Variants in PROK2 observed in about 807,000 individuals in gnomAD.
PROK2 encodes the protein prokineticin-2.
A neutral mutation model predicts 14.2 loss-of-function variants in PROK2; 8 were observed. That is an observed-to-expected ratio of 0.56 (90% CI 0.33 to 1.02). The LOEUF (loss-of-function observed/expected upper bound fraction) is 1.02. PROK2 is among the 50% of genes least tolerant of loss of function. The probability of loss-of-function intolerance (pLI) is 0.03; values close to 1 mark genes in which losing one functional copy is unlikely to be tolerated. For synonymous variants in PROK2, 59 were observed against 60.7 expected (o/e 0.97, Z 0.13); for missense variants, 154 against 160.4 (o/e 0.96, Z 0.22).
chr3:71,781,345 C>T (rs562817730), intron 2 of PROK2, 122 bp downstream of exon 2: 1 of 1,293,186 alleles, frequency 7.7e-7, no homozygotes, highest in African/African-American at 1.5e-5. Flanking sequence ...CACTGTTATC[C>T]TTGCTAATGT....
chr3:71,775,873 C>T (rs1055662302), intron 2 of PROK2, among the ~76,000 whole-genome samples: 4 of 152,104 alleles, frequency 2.6e-5, no homozygotes, highest in Non-Finnish European at 5.9e-5. Flanking sequence ...CAATCAAATG[C>T]CCTGCAATGC....
intron 1 of PROK2, among the ~76,000 whole-genome samples, chr3:71,784,465 G>T (rs746983989): frequency 9.2e-5 from 14 of 152,174 alleles, no homozygotes; most frequent in Non-Finnish European, 1.8e-4. Flanking sequence ...GATTTCAAAG[G>T]GTTTCTGCGG....
At chr3:71,783,587 A>C (rs775805174) in intron 1 of PROK2, among the ~76,000 whole-genome samples, 10 of 152,216 alleles carry the variant, frequency 6.6e-5, no homozygotes, top group Non-Finnish European at 1.5e-4. Flanking sequence ...ACCCATTGCA[A>C]ATCTATTCAG....
intron 2 of PROK2, 149 bp downstream of exon 2, chr3:71,781,318 G>A (rs2050158517): frequency 1.1e-6 from 1 of 922,632 alleles, no homozygotes; most frequent in East Asian, 2.6e-5. Context: ...AAGGGGAGAG[G>A]AGAGGGGGTA....
intron 2 of PROK2, among the ~76,000 whole-genome samples, chr3:71,775,873 C>A (rs1055662302): frequency 6.6e-6 from 1 of 152,104 alleles, no homozygotes; most frequent in Non-Finnish European, 1.5e-5. Context: ...CAATCAAATG[C>A]CCTGCAATGC....
intron 2 of PROK2, among the ~76,000 whole-genome samples, chr3:71,780,274 A>G (rs1483404343): frequency 6.6e-6 from 1 of 152,258 alleles, no homozygotes; most frequent in Non-Finnish European, 1.5e-5. Flanking sequence ...ACTGGAATCC[A>G]CATTATAGCT....
chr3:71,780,987 A>G (rs1222175651), intron 2 of PROK2, among the ~76,000 whole-genome samples: 1 of 152,248 alleles, frequency 6.6e-6, no homozygotes, highest in African/African-American at 2.4e-5. Flanking sequence ...CTGTAGGTAG[A>G]GTCAAAATAT....
chr3:71,773,643 A>G (rs1463787126), intron 3 of PROK2, among the ~76,000 whole-genome samples: 1 of 152,238 alleles, frequency 6.6e-6, no homozygotes, highest in Non-Finnish European at 1.5e-5. Flanking sequence ...ATTTGCACAC[A>G]GATGCCAGGA....
At position 71,772,559 on chromosome 3, in the gene PROK2, T is replaced by TAA. The variant is rs56679628; in HGVS notation, c.*163_*164dup. The TAA allele has an allele frequency of 5.6e-3, 3,376 of 600,766 alleles. 16 individuals are homozygous for TAA. In the East Asian group the frequency reaches 0.057, roughly 10 times the overall value. 37.2% of individuals were successfully genotyped at this position (600,766 alleles called of 1,614,324 possible). On this transcript the variant is annotated 3_prime_UTR_variant, in exon 4 of 4. Coordinates refer to ENST00000295619, the MANE Select transcript of PROK2 (RefSeq NM_001126128.2). ...ATCCAAAAGTAAAATTCTCTTTCGA[T>TAA]AAAAAAAAAAAAAAATCATTTACAA...
intron 2 of PROK2, among the ~76,000 whole-genome samples, chr3:71,776,590 C>G (rs548359434): frequency 1.5e-3 from 234 of 152,128 alleles, no homozygotes; most frequent in African/African-American, 5.6e-3. Context: ...GTTGCCCAGG[C>G]TGGTCTTGAA....
rs1305044647 is a variant in PROK2 at position 71,772,646 on chromosome 3, T to G, written c.*78A>C. 2 of 1,291,338 alleles carry G rather than the reference T, an allele frequency of 1.5e-6. No homozygotes were observed. The highest frequency in any genetic ancestry group is 2.2e-6 in the Non-Finnish European group (2 of 889,586). 80.0% of individuals were successfully genotyped at this position (1,291,338 alleles called of 1,614,324 possible). A position where few individuals can be genotyped will look rare whatever the true frequency, so the allele number is the denominator to read the frequency against. On this transcript the variant is annotated 3_prime_UTR_variant, in exon 4 of 4. Transcript: ENST00000295619. ...GCAAGAGCATTTCTTTCTGGCACAT[T>G]TTTTGTTTGGCACAATCACAAGTAA... is the stretch of plus-strand genomic sequence containing the variant.
chr3:71,781,508 T>G lies in PROK2; in HGVS notation c.181A>C (p.Met61Leu), dbSNP rs1282942039. ...WVKSIRICTPMGKLGDSCHPL... is the reference protein window; with the variant it reads ...WVKSIRICTPLGKLGDSCHPL... ...TGGCAGCTGTCTCCCAGTTTGCCCATAGGTGTGCAAATCCTTATGCTCTTG... is the reference window on the plus strand; with the variant it reads ...TGGCAGCTGTCTCCCAGTTTGCCCAGAGGTGTGCAAATCCTTATGCTCTTG... The change falls in exon 2 of 4, where the codon ATG becomes CTG. Residue 61 changes from methionine (M) to leucine (L), a missense_variant. Physicochemically the swap from Met to Leu is conservative, Grantham distance 15. Transcript: ENST00000295619. 1 of 1,613,912 alleles carries G rather than the reference T, an allele frequency of 6.2e-7. No homozygotes were observed.
intron 2 of PROK2, among the ~76,000 whole-genome samples, chr3:71,779,559 T>C (rs976279447): frequency 6.6e-6 from 1 of 152,236 alleles, no homozygotes; most frequent in East Asian, 1.9e-4. Flanking sequence ...TATGTGATTC[T>C]AGCATCTAGG....
intron 2 of PROK2, among the ~76,000 whole-genome samples, chr3:71,778,343 T>C (rs1042565106): frequency 1.3e-4 from 20 of 152,222 alleles, no homozygotes; most frequent in African/African-American, 4.8e-4. Flanking sequence ...TCACATATTT[T>C]ATTCTATCTT....
In PROK2 at chr3:71,784,969, G is replaced by C. The variant is rs372623686; in HGVS notation, c.84C>G (p.Ala28=). 2.7e-3 allele frequency: 3,321 copies of C among 1,248,440 alleles called. 5 individuals carry two copies. The highest frequency in any genetic ancestry group is 3.1e-3 in the Non-Finnish European group (3,051 of 994,346). The allele number at this position is 1,248,440 out of a possible 1,614,324, so 77.3% of individuals were successfully genotyped here. ...LLLTPRAGDA[A]VITGACDKDS... is the part of the protein sequence containing the mutation. ...CCGGGCCGCTTACCCCGGTGATCAC[G>C]GCGGCGTCCCCAGCGCGGGGCGTGA... The change falls in exon 1 of 4, where the codon GCC becomes GCG. Residue 28 remains alanine, a synonymous_variant. Coordinates refer to ENST00000295619, the MANE Select transcript of PROK2 (RefSeq NM_001126128.2).
Position 71,772,402 on chromosome 3 carries a change from A to G in PROK2, c.*322T>C. The G allele has an allele frequency of 3.5e-6, 1 of 287,236 alleles. No homozygotes were observed. Among genetic ancestry groups the G allele is most frequent in the Non-Finnish European group, 6.5e-6 (1 of 153,486 alleles). The allele number at this position is 287,236 out of a possible 1,614,324, so 17.8% of individuals were successfully genotyped here. ...AAAAAAAAAGTTTTTCTAACAAAAT[A>G]TCAAATTCTTATTTTCCTCATTTTT... On this transcript the variant is annotated 3_prime_UTR_variant, in exon 4 of 4. Transcript: ENST00000295619.
rs2108200314 is a variant in PROK2, at chr3:71,785,016, A to G, written c.37T>C (p.Leu13=). Residue 13 remains leucine, a synonymous_variant, in exon 1 of 4, where the codon TTG becomes CTG. Transcript: ENST00000295619. ...SLCCAPLLLL[L]LLPPLLLTPR... ...GTGAGCAGCAGCGGCGGCAGCAGCA[A>G]GAGGAGCAGGAGTGGGGCGCAGCAC... is the stretch of plus-strand genomic sequence containing the variant. 1 of 1,248,194 alleles carries G rather than the reference A, an allele frequency of 8.0e-7. No individual in the cohort carries two copies. 77.3% of individuals were successfully genotyped at this position (1,248,194 alleles called of 1,614,324 possible).
intron 2 of PROK2, among the ~76,000 whole-genome samples, chr3:71,774,834 A>C (rs562060881): frequency 5.3e-5 from 8 of 152,106 alleles, no homozygotes; most frequent in Non-Finnish European, 1.0e-4. Flanking sequence ...TTAGACAGTT[A>C]TAAGTGGATA....
intron 2 of PROK2, among the ~76,000 whole-genome samples, chr3:71,780,916 G>A (rs951348148): frequency 1.1e-4 from 17 of 152,178 alleles, no homozygotes; most frequent in African/African-American, 3.9e-4. Flanking sequence ...TGAGCTGACA[G>A]ATAATAAAGC....
Sources: gnomAD v4.1 joint callset for allele counts (sites outside exome capture counted in the v4.1 genomes callset) on GRCh38, gnomAD v4.1.1 for gene constraint, MANE v1.5 for transcripts, NCBI Gene and HGNC (gene_info 2026-07-23, HGNC 2026-07-21) for gene names.